The following LHFPL3 variants were observed in gnomAD, a reference collection of about 807,000 sequenced individuals.
The protein encoded by LHFPL3 is LHFPL tetraspan subfamily member 3.
LHFPL3 carries 5 observed loss-of-function variants against 19.3 expected under a neutral mutation model. That is an observed-to-expected ratio of 0.26 (90% CI 0.14 to 0.54). The LOEUF is 0.54. Among genes scored for constraint, LHFPL3 ranks in the 20% least tolerant of loss-of-function variants. The pLI, the probability that LHFPL3 is intolerant of heterozygous loss-of-function variation, is 0.94. For missense variants in LHFPL3, 249 were observed against 307.4 expected (o/e 0.81, Z 1.42); for synonymous variants, 133 against 126.2 (o/e 1.05, Z -0.36).
intron 1 of LHFPL3, among the ~76,000 whole-genome samples, chr7:104,708,047 C>T (rs1793224696): frequency 6.6e-6 from 1 of 152,210 alleles, no homozygotes; most frequent in South Asian, 2.1e-4. Context: ...GTACCTAGAA[C>T]TCTTTTCCCC....
chr7:104,860,095 C>T (rs1469235101), intron 2 of LHFPL3, among the ~76,000 whole-genome samples: 1 of 151,992 alleles, frequency 6.6e-6, no homozygotes, highest in African/African-American at 2.4e-5. Context: ...GACCCATAAC[C>T]CCACTCAGTG....
At chr7:104,522,102 G>A (rs977798496) in intron 1 of LHFPL3, among the ~76,000 whole-genome samples, 3 of 152,010 alleles carry the variant, frequency 2.0e-5, no homozygotes, top group African/African-American at 7.3e-5. Context: ...GTTTACTGAG[G>A]CATTATTCAC....
chr7:104,442,285 T>C lies in LHFPL3; in HGVS notation c.445+113061T>C, dbSNP rs147401474. ...CTGAATTGTAGTGGTTCCTTATATATTTTGGATATTAACTCTTTGTTTCAA... is the reference window on the plus strand; with the variant it reads ...CTGAATTGTAGTGGTTCCTTATATACTTTGGATATTAACTCTTTGTTTCAA... On this transcript the variant is annotated intron_variant, in intron 1 of 2. Coordinates refer to ENST00000424859, the MANE Select transcript of LHFPL3 (RefSeq NM_199000.3). Among the ~76,000 whole-genome samples, 486 of 152,242 alleles carry C rather than the reference T, an allele frequency of 3.2e-3. 5 individuals carry two copies. The highest frequency in any genetic ancestry group is 0.011 in the African/African-American group (460 of 41,552).
At chr7:104,608,944 A>G (rs1034463944) in intron 1 of LHFPL3, among the ~76,000 whole-genome samples, 2 of 152,190 alleles carry the variant, frequency 1.3e-5, no homozygotes, top group African/African-American at 4.8e-5. Flanking sequence ...CATGGAGACC[A>G]ATGCCTGCAA....
chr7:104,384,940 G>A (rs1242154301), intron 1 of LHFPL3, among the ~76,000 whole-genome samples: 1 of 152,012 alleles, frequency 6.6e-6, no homozygotes, highest in Non-Finnish European at 1.5e-5. Context: ...GCATTAGAAA[G>A]GTAAGGAGCA....
intron 1 of LHFPL3, among the ~76,000 whole-genome samples, chr7:104,381,213 C>T (rs1007415785): frequency 4.6e-5 from 7 of 152,102 alleles, no homozygotes; most frequent in Non-Finnish European, 1.0e-4. Flanking sequence ...GGGTGCTATT[C>T]TTCTGTGTAC....
At chr7:104,651,775 C>T (rs965187642) in intron 1 of LHFPL3, among the ~76,000 whole-genome samples, 2 of 152,126 alleles carry the variant, frequency 1.3e-5, no homozygotes, top group Non-Finnish European at 2.9e-5. Context: ...GAGCGTGTGC[C>T]CTGGAGTCAG....
chr7:104,574,321 G>T (rs930562642), intron 1 of LHFPL3, among the ~76,000 whole-genome samples: 1 of 152,152 alleles, frequency 6.6e-6, no homozygotes, highest in African/African-American at 2.4e-5. Flanking sequence ...CTACGAAGGG[G>T]GCAGGGACAG....
At chr7:104,544,997 A>G (rs919260796) in intron 1 of LHFPL3, among the ~76,000 whole-genome samples, 3 of 152,166 alleles carry the variant, frequency 2.0e-5, no homozygotes, top group African/African-American at 7.2e-5. Context: ...GTAAGGATTT[A>G]TGCCAAAATG....
At chr7:104,385,359 A>G (rs955816569) in intron 1 of LHFPL3, among the ~76,000 whole-genome samples, 1 of 151,542 alleles carries the variant, frequency 6.6e-6, no homozygotes, top group African/African-American at 2.4e-5. Flanking sequence ...TGGCATTTAT[A>G]ATTCTTATTG....
chr7:104,461,118 G>A (rs1247008884), intron 1 of LHFPL3, among the ~76,000 whole-genome samples: 1 of 152,196 alleles, frequency 6.6e-6, no homozygotes, highest in African/African-American at 2.4e-5. Context: ...TTACAATCAT[G>A]GTGGAAGGGG....
At chr7:104,536,851 A>G (rs1425430251) in intron 1 of LHFPL3, among the ~76,000 whole-genome samples, 3 of 152,218 alleles carry the variant, frequency 2.0e-5, no homozygotes. Flanking sequence ...AACATGCCAG[A>G]AAGTGCCACA....
At chr7:104,870,641 G>C (rs533014935) in intron 2 of LHFPL3, among the ~76,000 whole-genome samples, 1 of 152,190 alleles carries the variant, frequency 6.6e-6, no homozygotes, top group Non-Finnish European at 1.5e-5. Flanking sequence ...AGGCAGGGTG[G>C]TCTGTGACAA....
intron 2 of LHFPL3, among the ~76,000 whole-genome samples, chr7:104,825,228 C>T (rs933821325): frequency 2.6e-5 from 4 of 151,804 alleles, no homozygotes; most frequent in Non-Finnish European, 4.4e-5. Flanking sequence ...CACTTCTCCA[C>T]TCAAGATGGC....
At chr7:104,587,255 G>A (rs541248756) in intron 1 of LHFPL3, among the ~76,000 whole-genome samples, 5 of 152,258 alleles carry the variant, frequency 3.3e-5, no homozygotes, top group Admixed American at 6.5e-5. Flanking sequence ...ATCTCCTAAT[G>A]CTATCCCTCC....
At chr7:104,676,159 T>C (rs1208908617) in intron 1 of LHFPL3, among the ~76,000 whole-genome samples, 1 of 152,210 alleles carries the variant, frequency 6.6e-6, no homozygotes, top group Admixed American at 6.5e-5. Flanking sequence ...GCTTCATGAT[T>C]TGCTCCATTG....
intron 1 of LHFPL3, among the ~76,000 whole-genome samples, chr7:104,330,810 A>G (rs1801553938): frequency 6.6e-6 from 1 of 152,140 alleles, no homozygotes; most frequent in African/African-American, 2.4e-5. Context: ...CAGAATAACT[A>G]AGATTTGGAA....
At chr7:104,553,496 C>T (rs1345656783) in intron 1 of LHFPL3, among the ~76,000 whole-genome samples, 1 of 152,192 alleles carries the variant, frequency 6.6e-6, no homozygotes, top group Non-Finnish European at 1.5e-5. Context: ...TCTCTAAGCA[C>T]TTTCCAGAAA....
At chr7:104,850,305 AAAAT>A (rs1262639169) in intron 2 of LHFPL3, among the ~76,000 whole-genome samples, 1 of 152,224 alleles carries the variant, frequency 6.6e-6, no homozygotes, top group African/African-American at 2.4e-5. Context: ...TCCGTCACAA[AAAAT>A]AAATAAATAA....
Sources: allele counts gnomAD v4.1 joint callset (sites outside exome capture counted in the v4.1 genomes callset), GRCh38; gene constraint gnomAD v4.1.1; transcripts MANE v1.5; gene names NCBI Gene and HGNC (gene_info 2026-07-23, HGNC 2026-07-21).